Variants in FILIP1L observed in about 807,000 individuals in gnomAD.
FILIP1L encodes the protein filamin A interacting protein 1 like, also known as filamin A-interacting protein 1-like.
In FILIP1L, 55 loss-of-function variants were observed where a neutral mutation model predicts 96.6. The observed-to-expected ratio is 0.57, with a 90% CI of 0.46 to 0.71. FILIP1L has a LOEUF of 0.71. Among genes scored for constraint, FILIP1L ranks in the 30% least tolerant of loss-of-function variants. The pLI is 0.00. For missense variants in FILIP1L, 1,304 were observed against 1,321.2 expected, an observed-to-expected ratio of 0.99 and a Z score of 0.20; for synonymous variants, 467 against 473.9, an observed-to-expected ratio of 0.99 and a Z score of 0.19.
At chr3:100,012,630 C>T (rs1710191338) in intron 1 of FILIP1L, among the ~76,000 whole-genome samples, 2 of 152,134 alleles carry the variant, frequency 1.3e-5, no homozygotes, top group Admixed American at 6.6e-5. Flanking sequence ...ATTTCATAGA[C>T]TCAGTTCAGC....
intron 1 of FILIP1L, among the ~76,000 whole-genome samples, chr3:100,035,398 G>A (rs768542388): frequency 7.9e-5 from 12 of 151,998 alleles, no homozygotes; most frequent in South Asian, 4.2e-4. Flanking sequence ...CTCAGCCTCC[G>A]GAGTAGCTGG....
chr3:99,989,673 TA>T (rs1709454023), intron 1 of FILIP1L, among the ~76,000 whole-genome samples: 1 of 142,596 alleles, frequency 7.0e-6, no homozygotes, highest in African/African-American at 2.7e-5. Context: ...TCTATATATA[TA>T]TATATATATA....
At chr3:99,888,892 A>G (rs896487388) in intron 4 of FILIP1L, among the ~76,000 whole-genome samples, 15 of 152,132 alleles carry the variant, frequency 9.9e-5, no homozygotes, top group African/African-American at 3.6e-4. Context: ...TTAGTTGTTT[A>G]GAATTGTGCT....
At chr3:99,902,340 A>C (rs1020902054) in intron 4 of FILIP1L, among the ~76,000 whole-genome samples, 5 of 152,184 alleles carry the variant, frequency 3.3e-5, no homozygotes, top group African/African-American at 1.2e-4. Flanking sequence ...ATATCTGTTG[A>C]ATTGAACTGA....
chr3:100,075,143 C>T (rs2065829831), intron 1 of FILIP1L, among the ~76,000 whole-genome samples: 1 of 152,140 alleles, frequency 6.6e-6, no homozygotes, highest in South Asian at 2.1e-4. Context: ...ATTCTCCCTA[C>T]AAGGATTACA....
chr3:100,038,489 G>T (rs2065147932), intron 1 of FILIP1L, among the ~76,000 whole-genome samples: 1 of 152,204 alleles, frequency 6.6e-6, no homozygotes, highest in Non-Finnish European at 1.5e-5. Flanking sequence ...TACTCAGTCA[G>T]TTGTAGTTTC....
chr3:99,974,406 A>C (rs747463373), intron 1 of FILIP1L, among the ~76,000 whole-genome samples: 17 of 152,328 alleles, frequency 1.1e-4, no homozygotes, highest in Non-Finnish European at 2.4e-4. Flanking sequence ...CTTAGAAAGC[A>C]GGAATAAAAA....
intron 5 of FILIP1L, among the ~76,000 whole-genome samples, chr3:99,831,880 A>C (rs950357951): frequency 1.3e-5 from 2 of 152,154 alleles, no homozygotes; most frequent in Non-Finnish European, 2.9e-5. Context: ...AACTTCCTTT[A>C]GATGTAAGCT....
chr3:100,038,977 C>T (rs1205709394), intron 1 of FILIP1L, among the ~76,000 whole-genome samples: 2 of 152,128 alleles, frequency 1.3e-5, no homozygotes, highest in African/African-American at 4.8e-5. Context: ...AATGCACACA[C>T]AATATTGCTT....
chr3:99,896,202 G>A (rs1334939566), intron 4 of FILIP1L, among the ~76,000 whole-genome samples: 1 of 152,192 alleles, frequency 6.6e-6, no homozygotes, highest in Admixed American at 6.5e-5. Context: ...TACATAAAGG[G>A]AGTAGGTCAG....
chr3:99,969,718 C>T (rs1243836708), intron 1 of FILIP1L, among the ~76,000 whole-genome samples: 1 of 152,048 alleles, frequency 6.6e-6, no homozygotes, highest in East Asian at 1.9e-4. Flanking sequence ...AGCAGCCCCA[C>T]TAGATAATTA....
At chr3:100,034,089 AAAG>A (rs2107268595) in intron 1 of FILIP1L, among the ~76,000 whole-genome samples, 1 of 152,348 alleles carries the variant, frequency 6.6e-6, no homozygotes, top group South Asian at 2.1e-4. Flanking sequence ...ACACTTAAGA[AAAG>A]AAGTAATTTG....
intron 1 of FILIP1L, among the ~76,000 whole-genome samples, chr3:100,037,960 G>GC (rs1319777710): frequency 2.3e-5 from 3 of 129,374 alleles, no homozygotes; most frequent in East Asian, 4.8e-4. Context: ...TTTTTTTGGG[G>GC]GGGGAGGGAA....
chr3:100,097,155 A>T (rs1339627076), intron 1 of FILIP1L, among the ~76,000 whole-genome samples: 4 of 152,190 alleles, frequency 2.6e-5, no homozygotes, highest in African/African-American at 9.7e-5. Context: ...ACAGAACTGC[A>T]CATGCGAGAG....
intron 1 of FILIP1L, among the ~76,000 whole-genome samples, chr3:99,938,964 GC>G (rs1707776548): frequency 6.6e-6 from 1 of 152,110 alleles, no homozygotes; most frequent in South Asian, 2.1e-4. Context: ...TTAGTAATTG[GC>G]CTCCGTTATC....
intron 1 of FILIP1L, among the ~76,000 whole-genome samples, chr3:100,077,887 G>A (rs910185538): frequency 6.6e-6 from 1 of 152,050 alleles, no homozygotes; most frequent in African/African-American, 2.4e-5. Flanking sequence ...CAACCTGGGT[G>A]ACAGAATAAG....
chr3:99,855,127 A>T lies in FILIP1L; in HGVS notation c.606-4057T>A, dbSNP rs1370176517. Among the ~76,000 whole-genome samples the T allele has an allele frequency of 2.0e-5, 3 of 152,284 alleles. No individual in the cohort carries two copies. The East Asian group carries it at 5.8e-4, about 29-fold the overall frequency. On this transcript the variant is annotated intron_variant, in intron 4 of 5. Transcript: ENST00000477258. ...ATATTAACTCTGCCAATTGTTGTTC[A>T]TTATTGATTTATACCCAGTCTGCAG...
intron 4 of FILIP1L, among the ~76,000 whole-genome samples, chr3:99,915,231 AG>A (rs1706915278): frequency 2.6e-5 from 4 of 152,212 alleles, no homozygotes; most frequent in Admixed American, 1.3e-4. Flanking sequence ...TCATGATGAG[AG>A]ATTAATGGAA....
chr3:100,032,894 T>G (rs1035189933), intron 1 of FILIP1L, among the ~76,000 whole-genome samples: 1 of 152,148 alleles, frequency 6.6e-6, no homozygotes, highest in African/African-American at 2.4e-5. Context: ...ATTACATTTA[T>G]TCCCTGCAAC....
Sources: gnomAD v4.1 joint callset for allele counts (sites outside exome capture counted in the v4.1 genomes callset) on GRCh38, gnomAD v4.1.1 for gene constraint, MANE v1.5 for transcripts, NCBI Gene and HGNC (gene_info 2026-07-23, HGNC 2026-07-21) for gene names.